The following PLEKHA5 variants were observed in gnomAD, a reference collection of about 807,000 sequenced individuals.
PLEKHA5 encodes the protein pleckstrin homology domain-containing family A member 5.
In PLEKHA5, 55 loss-of-function variants were observed where a neutral mutation model predicts 181.9. The ratio of observed to expected loss-of-function variants is 0.30; its 90% CI spans 0.24 to 0.38. The LOEUF is 0.38. Ranked by LOEUF, PLEKHA5 falls within the 10% of genes least tolerant of loss-of-function variation. PLEKHA5 has a pLI of 1.00. For synonymous variants in PLEKHA5, 535 were observed against 529.4 expected (o/e 1.01, Z -0.15); for missense variants, 1,432 against 1,549.5 (o/e 0.92, Z 1.27).
chr12:19,322,011 A>G (rs908699314), intron 18 of PLEKHA5, among the ~76,000 whole-genome samples: 20 of 152,148 alleles, frequency 1.3e-4, no homozygotes, highest in East Asian at 3.9e-4. Flanking sequence ...TTGTATTTCA[A>G]TTAGAAGTGA....
chr12:19,196,138 C>A (rs2035868), intron 3 of PLEKHA5, among the ~76,000 whole-genome samples: 113,664 of 152,058 alleles, frequency 0.75, 44,111 homozygotes, highest in Non-Finnish European at 0.88. Flanking sequence ...ACAATGTGAG[C>A]TCTCATGAGT....
At chr12:19,182,852 T>C (rs2048925268) in intron 3 of PLEKHA5, among the ~76,000 whole-genome samples, 1 of 152,220 alleles carries the variant, frequency 6.6e-6, no homozygotes, top group African/African-American at 2.4e-5. Flanking sequence ...TTATGTGTAA[T>C]GTACTAAAAC....
At chr12:19,241,953 C>G (rs984545536) in intron 3 of PLEKHA5, among the ~76,000 whole-genome samples, 1 of 152,122 alleles carries the variant, frequency 6.6e-6, no homozygotes, top group Non-Finnish European at 1.5e-5. Context: ...AATCATATTT[C>G]TGTTTTAACC....
chr12:19,217,910 ATTAAG>A (rs1243942592), intron 3 of PLEKHA5, among the ~76,000 whole-genome samples: 2 of 152,196 alleles, frequency 1.3e-5, no homozygotes, highest in Admixed American at 6.5e-5. Context: ...AATGGATTAC[ATTAAG>A]TTATCTATTG....
At chr12:19,142,852 A>G (rs1397394183) in intron 3 of PLEKHA5, among the ~76,000 whole-genome samples, 1 of 152,122 alleles carries the variant, frequency 6.6e-6, no homozygotes, top group Admixed American at 6.6e-5. Context: ...TTACTTTACA[A>G]ACTTCTTTTA....
intron 3 of PLEKHA5, among the ~76,000 whole-genome samples, chr12:19,211,845 T>G (rs1328077967): frequency 1.3e-5 from 2 of 152,160 alleles, no homozygotes; most frequent in Admixed American, 6.5e-5. Flanking sequence ...TTAAAGTTAC[T>G]TACCTTTTTT....
intron 22 of PLEKHA5, among the ~76,000 whole-genome samples, chr12:19,345,275 C>CTA (rs2153191320): frequency 6.6e-6 from 1 of 151,810 alleles, no homozygotes; most frequent in Non-Finnish European, 1.5e-5. Flanking sequence ...TGGCGTGCAC[C>CTA]TATAGTCCCA....
chr12:19,130,252 G>C lies in PLEKHA5; in HGVS notation c.169+122G>C. The stretch of plus-strand genomic sequence containing the variant: ...CGGGAGGCGGCGAGGCGGGGCGGAG[G>C]CCGGGCGGGAGCGGCCGCAGGTAGA... On this transcript the variant is annotated intron_variant, in intron 2 of 31. Transcript: ENST00000429027. This position sits in a 1 kb window ranked among gnomAD's most constrained non-coding sequence, Gnocchi z 4.5. The C allele has an allele frequency of 4.3e-6, 2 of 463,826 alleles. No individual in the cohort carries two copies. Among genetic ancestry groups the C allele is most frequent in the Admixed American group, 4.7e-5 (1 of 21,112 alleles). 28.7% of individuals were successfully genotyped at this position (463,826 alleles called of 1,614,324 possible). A position where few individuals can be genotyped will look rare whatever the true frequency, so the allele number is the denominator to read the frequency against.
At position 19,345,654 on chromosome 12, in the gene PLEKHA5, A is replaced by G. The variant is rs577298400; in HGVS notation, c.2663-188A>G. On this transcript the variant is annotated intron_variant, in intron 22 of 31. Coordinates refer to ENST00000429027, the MANE Select transcript of PLEKHA5 (RefSeq NM_001256470.2). ...GTGGCGCACGCCTGTAGTCCCAGCT[A>G]CGAGAGGCTGAGGCACAAGAATTGC... 2.0e-5 allele frequency among the ~76,000 whole-genome samples: 3 copies of G among 151,742 alleles called. No individual in the cohort carries two copies. In the East Asian group the frequency reaches 5.9e-4, roughly 30 times the overall value.
At chr12:19,167,298 T>C (rs1476890846) in intron 3 of PLEKHA5, among the ~76,000 whole-genome samples, 1 of 151,940 alleles carries the variant, frequency 6.6e-6, no homozygotes, top group Non-Finnish European at 1.5e-5. Flanking sequence ...AAAAGTGACA[T>C]CAGATGCAAT....
intron 3 of PLEKHA5, chr12:19,151,884 T>G (rs1310725277): frequency 1.6e-4 from 15 of 93,784 alleles, no homozygotes; most frequent in Non-Finnish European, 1.4e-4. Flanking sequence ...TTTTTTTTTT[T>G]GAGACAGGGT....
chr12:19,358,314 A>G lies in PLEKHA5; in HGVS notation c.3225A>G (p.Ile1075Met), dbSNP rs758958556. ...CTGTGGAAGAGCAAATGGAAAGAAT[A>G]AGAAGACATCAACAAGCGTGCCTGA... Reference protein sequence around the residue: ...RMTVEEQMERIRRHQQACLRE... With the variant: ...RMTVEEQMERMRRHQQACLRE... The change falls in exon 27 of 32, where the codon ATA becomes ATG. Residue 1075 changes from isoleucine (I) to methionine (M), a missense_variant. By Grantham distance (10) the Ile-to-Met change is conservative. Around this residue, in one of 2 missense-constraint regions of PLEKHA5, gnomAD observed 1,143 missense variants for 1,168.4 expected, o/e 0.98. Coordinates refer to ENST00000429027, the MANE Select transcript of PLEKHA5 (RefSeq NM_001256470.2). 1.1e-5 allele frequency: 18 copies of G among 1,613,822 alleles called. No homozygotes were observed. The highest frequency in any genetic ancestry group is 1.4e-5 in the Non-Finnish European group (17 of 1,179,854).
chr12:19,369,614 G>T, intron 30 of PLEKHA5, 79 bp from the exon 31 acceptor site: 1 of 743,116 alleles, frequency 1.3e-6, no homozygotes, highest in Non-Finnish European at 2.3e-6. Flanking sequence ...AATTTTTGTG[G>T]GATTACAGCA....
At chr12:19,222,284 A>G (rs2059066457) in intron 3 of PLEKHA5, among the ~76,000 whole-genome samples, 1 of 152,128 alleles carries the variant, frequency 6.6e-6, no homozygotes. Flanking sequence ...GGTTGGATTT[A>G]GGAATATTTA....
chr12:19,313,865 A>G (rs1300786801), intron 15 of PLEKHA5, among the ~76,000 whole-genome samples: 5 of 152,142 alleles, frequency 3.3e-5, no homozygotes, highest in Non-Finnish European at 5.9e-5. Flanking sequence ...CTTACATTAT[A>G]TTAATAAATT....
At chr12:19,218,991 G>C (rs979180804) in intron 3 of PLEKHA5, among the ~76,000 whole-genome samples, 2 of 137,858 alleles carry the variant, frequency 1.5e-5, no homozygotes, top group African/African-American at 5.6e-5. Flanking sequence ...TGTGCACATT[G>C]TGCAGGTTAC....
chr12:19,143,110 G>T (rs780320732), intron 3 of PLEKHA5, among the ~76,000 whole-genome samples: 6 of 152,130 alleles, frequency 3.9e-5, no homozygotes, highest in Non-Finnish European at 7.4e-5. Context: ...GTTCCTATGA[G>T]GTGGCAATTC....
At chr12:19,316,438 A>G (rs537026631) in intron 16 of PLEKHA5, among the ~76,000 whole-genome samples, 1 of 151,046 alleles carries the variant, frequency 6.6e-6, no homozygotes, top group Non-Finnish European at 1.5e-5. Flanking sequence ...GAGGGGGGGG[A>G]AAGTGAAGAT....
chr12:19,194,798 G>C (rs537195939), intron 3 of PLEKHA5, among the ~76,000 whole-genome samples: 2 of 152,280 alleles, frequency 1.3e-5, no homozygotes, highest in South Asian at 4.1e-4. Flanking sequence ...AATCTCAGAT[G>C]AAATACATTT....
Sources: allele counts gnomAD v4.1 joint callset (sites outside exome capture counted in the v4.1 genomes callset), GRCh38; gene constraint gnomAD v4.1.1; regional missense constraint gnomAD v4.1.1; non-coding constraint Gnocchi (gnomAD v3.1); transcripts MANE v1.5; gene names NCBI Gene and HGNC (gene_info 2026-07-23, HGNC 2026-07-21).